SLC5A1: variants seen among roughly 807,000 people sequenced by gnomAD.
The protein encoded by SLC5A1 is solute carrier family 5 member 1.
Under a neutral mutation model 73.5 loss-of-function variants are expected in SLC5A1, and 42 were observed. The ratio of observed to expected loss-of-function variants is 0.57; its 90% confidence interval spans 0.45 to 0.74. The LOEUF (loss-of-function observed/expected upper bound fraction) is 0.74, where lower values mean the gene tolerates loss of function less well. Ranked by LOEUF, SLC5A1 falls within the 30% of genes least tolerant of loss-of-function variation. The pLI, the probability that SLC5A1 is intolerant of heterozygous loss-of-function variation, is 0.00. For missense variants in SLC5A1, 634 were observed against 855.4 expected (o/e 0.74, Z 3.23); for synonymous variants, 300 against 317.4 (o/e 0.95, Z 0.58).
chr22:32,068,175 C>G lies in SLC5A1; in HGVS notation c.372+149C>G, dbSNP rs372081445. The G allele has an allele frequency of 3.8e-5, 32 of 842,636 alleles. 1 individual carries two copies. The East Asian group carries it at 5.1e-4, about 13-fold the overall frequency. The allele number at this position is 842,636 out of a possible 1,614,324, so 52.2% of individuals were successfully genotyped here. On this transcript the variant is annotated intron_variant, in intron 4 of 14. Coordinates refer to ENST00000266088, the MANE Select transcript of SLC5A1 (RefSeq NM_000343.4). ...CCCAGGTTATGAAATTCCCGACTGT[C>G]TGCAGTGGCATTATATGGATATATT...
intron 5 of SLC5A1, among the ~76,000 whole-genome samples, chr22:32,079,373 T>C (rs5998232): frequency 0.033 from 4,989 of 152,292 alleles, 254 homozygotes; most frequent in African/African-American, 0.11. Context: ...CAGGGAGGTT[T>C]CCTTAGAATC....
intron 5 of SLC5A1, among the ~76,000 whole-genome samples, chr22:32,071,179 C>T (rs1011145406): frequency 2.6e-5 from 4 of 152,222 alleles, no homozygotes; most frequent in African/African-American, 4.8e-5. Context: ...AGGCTGGGTG[C>T]GGTGGCTCAT....
At position 32,102,244 on chromosome 22, in the gene SLC5A1, A is replaced by T. The variant is rs1431646762; in HGVS notation, c.1665+7A>T. The T allele has an allele frequency of 1.3e-6, 2 of 1,599,802 alleles. No individual in the cohort carries two copies. The highest frequency in any genetic ancestry group is 2.2e-5 in the East Asian group (1 of 44,802). ...ACCCATTCCGGATGTGCATGTGAGTATCCATTTAGGGGATCTGTCCTTGTT... is the reference window on the plus strand; with the variant it reads ...ACCCATTCCGGATGTGCATGTGAGTTTCCATTTAGGGGATCTGTCCTTGTT... On this transcript the variant is annotated splice_region_variant and intron_variant, in intron 13 of 14. Coordinates refer to ENST00000266088, the MANE Select transcript of SLC5A1 (RefSeq NM_000343.4).
chr22:32,087,313 T>G (rs980889013), intron 10 of SLC5A1, among the ~76,000 whole-genome samples: 1 of 152,346 alleles, frequency 6.6e-6, no homozygotes, highest in South Asian at 2.1e-4. Flanking sequence ...TCAATTGAGC[T>G]AATGTATAGA....
At chr22:32,097,652 A>G (rs2094028485) in intron 11 of SLC5A1, among the ~76,000 whole-genome samples, 1 of 152,194 alleles carries the variant, frequency 6.6e-6, no homozygotes, top group Non-Finnish European at 1.5e-5. Flanking sequence ...AGAAGAAGAC[A>G]AAAGGGAAGA....
At chr22:32,087,754 A>G (rs984790029) in intron 10 of SLC5A1, among the ~76,000 whole-genome samples, 2 of 152,200 alleles carry the variant, frequency 1.3e-5, no homozygotes, top group Non-Finnish European at 2.9e-5. Flanking sequence ...AAAACTTCAA[A>G]GTTATTACCT....
At chr22:32,104,677 G>A in intron 13 of SLC5A1, 109 bp from the exon 14 acceptor site, 2 of 766,046 alleles carry the variant, frequency 2.6e-6, no homozygotes, top group Non-Finnish European at 4.6e-6. Flanking sequence ...CTGGTACTGA[G>A]ATGCCACATT....
At chr22:32,100,905 G>C (rs180909230) in intron 12 of SLC5A1, among the ~76,000 whole-genome samples, 1 of 152,250 alleles carries the variant, frequency 6.6e-6, no homozygotes, top group East Asian at 1.9e-4. Context: ...GGGAGACAGA[G>C]AACTATTGTG....
chr22:32,084,718 C>A (rs753657672), intron 8 of SLC5A1, 59 bp downstream of exon 8: 2 of 1,547,004 alleles, frequency 1.3e-6, no homozygotes, highest in Admixed American at 1.7e-5. Flanking sequence ...ACAGGAACTC[C>A]TGTCTGTCTG....
chr22:32,046,965 C>A (rs1424477810), intron 1 of SLC5A1, among the ~76,000 whole-genome samples: 1 of 152,152 alleles, frequency 6.6e-6, no homozygotes, highest in East Asian at 1.9e-4. Context: ...ATTTTCTGTG[C>A]ACAAGGCATT....
intron 14 of SLC5A1, among the ~76,000 whole-genome samples, chr22:32,106,883 C>G (rs1431739721): frequency 6.6e-6 from 1 of 152,154 alleles, no homozygotes; most frequent in African/African-American, 2.4e-5. Context: ...TGAAGGAGAG[C>G]ACAGGTGTAG....
chr22:32,073,543 G>A (rs2093985998), intron 5 of SLC5A1, among the ~76,000 whole-genome samples: 1 of 151,832 alleles, frequency 6.6e-6, no homozygotes, highest in Non-Finnish European at 1.5e-5. Context: ...TTCAGGGTTG[G>A]TGTTTTTTTT....
At chr22:32,092,112 C>T (rs1394347559) in intron 11 of SLC5A1, among the ~76,000 whole-genome samples, 2 of 152,046 alleles carry the variant, frequency 1.3e-5, no homozygotes, top group Non-Finnish European at 2.9e-5. Context: ...ACCCGTTTCC[C>T]GTGAGTCCCC....
intron 2 of SLC5A1, among the ~76,000 whole-genome samples, chr22:32,061,141 C>T (rs1268122194): frequency 6.6e-6 from 1 of 152,108 alleles, no homozygotes; most frequent in Non-Finnish European, 1.5e-5. Context: ...TTGTCAGTAG[C>T]GGCTGGCTGC....
chr22:32,089,840 A>G (rs1454408113), intron 10 of SLC5A1, among the ~76,000 whole-genome samples: 1 of 152,192 alleles, frequency 6.6e-6, no homozygotes, highest in East Asian at 1.9e-4. Context: ...GTGGGTCCTC[A>G]GCTTGGCCTG....
Position 32,110,095 on chromosome 22 carries a change from A to G in SLC5A1, c.1877A>G (p.Lys626Arg), listed in dbSNP as rs2094053582. The change falls in exon 15 of 15, where the codon AAA becomes AGA. Residue 626 changes from lysine (K) to arginine (R), a missense_variant. Lys to Arg is a conservative substitution (Grantham distance 26). Transcript: ENST00000266088. ...CCCAAGATGACTGAGGAAGAGGAGA[A>G]AGCCATGAAGATGAAGATGACGGAC... ...GAPKMTEEEEKAMKMKMTDTS... is the reference protein window; with the variant it reads ...GAPKMTEEEERAMKMKMTDTS... The G allele has an allele frequency of 5.0e-6, 8 of 1,614,016 alleles. No homozygotes were observed. Among genetic ancestry groups the G allele is most frequent in the Admixed American group, 1.7e-5 (1 of 59,992 alleles).
At chr22:32,077,902 A>G (rs558240172) in intron 5 of SLC5A1, among the ~76,000 whole-genome samples, 1 of 152,306 alleles carries the variant, frequency 6.6e-6, no homozygotes, top group East Asian at 1.9e-4. Context: ...CACTTTTGAA[A>G]CTGTAGGAAA....
In SLC5A1 at chr22:32,043,501, G is replaced by A; in HGVS notation, c.135+85G>A. 1 of 1,449,086 alleles carries A rather than the reference G, an allele frequency of 6.9e-7. No individual in the cohort carries two copies. The highest frequency in any genetic ancestry group is 9.6e-7 in the Non-Finnish European group (1 of 1,042,530). The allele number at this position is 1,449,086 out of a possible 1,614,324, so 89.8% of individuals were successfully genotyped here. On this transcript the variant is annotated intron_variant, in intron 1 of 14. Transcript: ENST00000266088. This position sits in a 1 kb window ranked among gnomAD's most constrained non-coding sequence, Gnocchi z 6.5. Reference sequence around the variant, plus strand: ...CTCGCTGAGCTGCAAGGGGCAGTAGGCTTAAGTGTCGGTGGAGGGGAGAGG... The same window carrying A: ...CTCGCTGAGCTGCAAGGGGCAGTAGACTTAAGTGTCGGTGGAGGGGAGAGG...
chr22:32,054,755 CT>C (rs1465853511), intron 2 of SLC5A1, among the ~76,000 whole-genome samples: 2 of 152,132 alleles, frequency 1.3e-5, no homozygotes, highest in African/African-American at 2.4e-5. Context: ...TCACTGTAAC[CT>C]CCACCTTCCA....
Sources: allele counts gnomAD v4.1 joint callset (sites outside exome capture counted in the v4.1 genomes callset), GRCh38; gene constraint gnomAD v4.1.1; non-coding constraint Gnocchi (gnomAD v3.1); transcripts MANE v1.5; gene names NCBI Gene and HGNC (gene_info 2026-07-23, HGNC 2026-07-21).